Variants in KIF19 observed in about 807,000 individuals in gnomAD.
KIF19 encodes the protein kinesin family member 19.
Under a neutral mutation model 106.6 loss-of-function variants are expected in KIF19, and 98 were observed. The ratio of observed to expected loss-of-function variants is 0.92; its 90% confidence interval spans 0.78 to 1.09. The LOEUF (loss-of-function observed/expected upper bound fraction) is 1.09. Among genes scored for constraint, KIF19 ranks in the 50% least tolerant of loss-of-function variants. The pLI is 0.00. For missense variants in KIF19, 1,373 were observed against 1,414.3 expected (o/e 0.97, Z 0.47); for synonymous variants, 516 against 584.2 (o/e 0.88, Z 1.68).
rs1273354153 is a variant in KIF19, at chr17:74,331,546, T to G, written c.120+3041T>G. ...CTCTGGGACAGGAACCCAGGGTGCT[T>G]GGATTCTGGGGAAGCTGGAGTTCGG... On this transcript the variant is annotated intron_variant, in intron 2 of 19. Coordinates refer to ENST00000389916, the MANE Select transcript of KIF19 (RefSeq NM_153209.4). The surrounding 1 kb of genome is among the most constrained non-coding windows in gnomAD (Gnocchi z 4.1). Among the ~76,000 whole-genome samples the G allele has an allele frequency of 1.3e-5, 2 of 151,070 alleles. No homozygotes were observed. Among genetic ancestry groups the G allele is most frequent in the African/African-American group, 4.9e-5 (2 of 41,162 alleles).
At position 74,326,322 on chromosome 17, in the gene KIF19, G is replaced by C; in HGVS notation, c.-28G>C. On this transcript the variant is annotated 5_prime_UTR_variant, in exon 1 of 20. Transcript: ENST00000389916. ...GCGGCTGAGCCATGCCCGGTGGCGC[G>C]GCCTGAGCCCCTCCACCTGCTGCAA... The C allele has an allele frequency of 6.2e-7, 1 of 1,600,732 alleles. No individual in the cohort carries two copies. The highest frequency in any genetic ancestry group is 8.5e-7 in the Non-Finnish European group (1 of 1,175,446).
At chr17:74,333,852 T>C (rs200700725) in intron 2 of KIF19, among the ~76,000 whole-genome samples, 4 of 112,516 alleles carry the variant, frequency 3.6e-5, no homozygotes, top group Non-Finnish European at 7.3e-5. Context: ...CTTTTTTTTT[T>C]CTTTTTTTTT....
intron 12 of KIF19, among the ~76,000 whole-genome samples, chr17:74,351,499 AAAT>A (rs1428385763): frequency 6.6e-6 from 1 of 151,984 alleles, no homozygotes; most frequent in South Asian, 2.1e-4. Flanking sequence ...CAAAAAAGAA[AAAT>A]AATAATAATA....
At chr17:74,349,632 G>T (rs2054637440) in intron 10 of KIF19, among the ~76,000 whole-genome samples, 1 of 152,248 alleles carries the variant, frequency 6.6e-6, no homozygotes, top group South Asian at 2.1e-4. Context: ...AGCTGCGCAG[G>T]GCGCACACTA....
chr17:74,354,903 C>A lies in KIF19; in HGVS notation c.2828C>A (p.Pro943His). 6.4e-7 allele frequency: 1 copy of A among 1,574,184 alleles called. No homozygotes were observed. Among genetic ancestry groups the A allele is most frequent in the Non-Finnish European group, 8.6e-7 (1 of 1,160,158 alleles). Residue 943 changes from proline (P) to histidine (H), a missense_variant, in exon 19 of 20, where the codon CCT (proline) becomes CAT (histidine). By Grantham distance (77) the Pro-to-His change is moderately conservative (BLOSUM62 -2). This residue lies in a region of KIF19 where 1,020 missense variants were observed against 1,008.2 expected (regional missense o/e 1.01). Transcript: ENST00000389916. ...GIRHLGKVTL[P>H]LAKVKLPPSQ... ...CGGCATCTGGGAAAGGTCACGCTAC[C>A]TTTGGCCAAAGTCAAACTCCCTCCA... is the stretch of plus-strand genomic sequence containing the variant.
In KIF19 at chr17:74,341,994, A is replaced by G; in HGVS notation, c.231+8A>G. On this transcript the variant is annotated splice_region_variant and intron_variant, in intron 3 of 19. Transcript: ENST00000389916. Reference sequence around the variant, plus strand: ...GACTTCACCGCCACCCAGGTGAGGGAGGGCCTGGGCTGGAGACACGCAGGA... The same window carrying G: ...GACTTCACCGCCACCCAGGTGAGGGGGGGCCTGGGCTGGAGACACGCAGGA... 1.2e-6 allele frequency: 2 copies of G among 1,601,026 alleles called. No individual in the cohort carries two copies. The highest frequency in any genetic ancestry group is 2.2e-5 in the South Asian group (2 of 90,672).
At chr17:74,341,654 C>T (rs1417347617) in intron 2 of KIF19, among the ~76,000 whole-genome samples, 3 of 152,220 alleles carry the variant, frequency 2.0e-5, no homozygotes, top group African/African-American at 2.4e-5. Context: ...GCTCTGGCTC[C>T]GAGACCTACC....
In KIF19 at chr17:74,331,781, T is replaced by C. The variant is rs2054088485; in HGVS notation, c.120+3276T>C. On this transcript the variant is annotated intron_variant, in intron 2 of 19. Transcript: ENST00000389916. This position sits in a 1 kb window ranked among gnomAD's most constrained non-coding sequence, Gnocchi z 4.1. ...TAGTAGAGACAGGGTTTTGCTATGGTGGCCAGGCTGGTCTCGAACTCCTGA... is the reference window on the plus strand; with the variant it reads ...TAGTAGAGACAGGGTTTTGCTATGGCGGCCAGGCTGGTCTCGAACTCCTGA... Among the ~76,000 whole-genome samples, 1 of 152,070 alleles carries C rather than the reference T, an allele frequency of 6.6e-6. No individual in the cohort carries two copies. The highest frequency in any genetic ancestry group is 2.4e-5 in the African/African-American group (1 of 41,380).
At chr17:74,349,058 AAGG>A in intron 9 of KIF19, 123 bp from the exon 10 acceptor site, 1 of 868,510 alleles carries the variant, frequency 1.2e-6, no homozygotes, top group Admixed American at 2.5e-5. Context: ...AAGTGGAGGA[AAGG>A]AGGCCATTAC....
Position 74,355,571 on chromosome 17 carries a change from C to G in KIF19, c.*259C>G, listed in dbSNP as rs1447316740. On this transcript the variant is annotated 3_prime_UTR_variant, in exon 20 of 20. Coordinates refer to ENST00000389916, the MANE Select transcript of KIF19 (RefSeq NM_153209.4). Reference sequence around the variant, plus strand: ...TGGCTTCCCAGCCCTGGACAGAATGCTGTTGCCAAAACCTGCACAGCCCTG... The same window carrying G: ...TGGCTTCCCAGCCCTGGACAGAATGGTGTTGCCAAAACCTGCACAGCCCTG... The G allele has an allele frequency of 2.5e-6, 1 of 399,456 alleles. No individual in the cohort carries two copies. The highest frequency in any genetic ancestry group is 4.4e-6 in the Non-Finnish European group (1 of 228,628). 24.7% of individuals were successfully genotyped at this position (399,456 alleles called of 1,614,324 possible). A position where few individuals can be genotyped will look rare whatever the true frequency, so the allele number is the denominator to read the frequency against.
intron 7 of KIF19, 25 bp downstream of exon 7, chr17:74,344,980 A>G: frequency 6.4e-7 from 1 of 1,573,344 alleles, no homozygotes; most frequent in Non-Finnish European, 8.6e-7. Flanking sequence ...TGGGCTGGGC[A>G]GAGGAGGGAG....
In KIF19 at chr17:74,352,858, C is replaced by T. The variant is rs762667528; in HGVS notation, c.2018C>T (p.Ser673Leu). 6.2e-7 allele frequency: 1 copy of T among 1,614,012 alleles called. No homozygotes were observed. The highest frequency in any genetic ancestry group is 1.1e-5 in the South Asian group (1 of 91,080). Reference protein sequence around the residue: ...SLPKITPAGTSLTPDSDLESV... With the variant: ...SLPKITPAGTLLTPDSDLESV... Reference sequence around the variant, plus strand: ...CCCAAAATTACCCCAGCAGGAACCTCACTGACCCCAGATTCTGACCTGGAG... The same window carrying T: ...CCCAAAATTACCCCAGCAGGAACCTTACTGACCCCAGATTCTGACCTGGAG... The change falls in exon 15 of 20, where the codon TCA becomes TTA. Residue 673 changes from serine to leucine, a missense_variant. Physicochemically the swap from Ser to Leu is moderately radical, Grantham distance 145. Around this residue, in one of 3 missense-constraint regions of KIF19, gnomAD observed 1,020 missense variants for 1,008.2 expected, o/e 1.01. Transcript: ENST00000389916.
At chr17:74,334,730 T>A (rs2054179656) in intron 2 of KIF19, among the ~76,000 whole-genome samples, 1 of 152,092 alleles carries the variant, frequency 6.6e-6, no homozygotes, top group Non-Finnish European at 1.5e-5. Flanking sequence ...CAACAAATTC[T>A]CCTTTAAAGA....
chr17:74,344,618 G>A (rs1238344868), intron 6 of KIF19, 143 bp from the exon 7 acceptor site: 4 of 940,676 alleles, frequency 4.3e-6, no homozygotes, highest in Non-Finnish European at 1.6e-6. Context: ...AGGCCTCTCA[G>A]CACACGGAGC....
In KIF19 at chr17:74,354,096, T is replaced by C. The variant is rs902742625; in HGVS notation, c.2309-66T>C. ...GTCTGGCTCCTACCCACGTCTGCCA[T>C]GTCAGAGGAGGGTGTTGAGAGGTGG... On this transcript the variant is annotated intron_variant, in intron 17 of 19. Coordinates refer to ENST00000389916, the MANE Select transcript of KIF19 (RefSeq NM_153209.4). The C allele has an allele frequency of 5.3e-6, 8 of 1,517,730 alleles. No homozygotes were observed. In the African/African-American group the frequency reaches 6.9e-5, roughly 13 times the overall value. 94.0% of individuals were successfully genotyped at this position (1,517,730 alleles called of 1,614,324 possible).
rs2054387936 is a variant in KIF19 at position 74,341,987 on chromosome 17, G to A, written c.231+1G>A. Reference sequence around the variant, plus strand: ...GGCCTTTGACTTCACCGCCACCCAGGTGAGGGAGGGCCTGGGCTGGAGACA... The same window carrying A: ...GGCCTTTGACTTCACCGCCACCCAGATGAGGGAGGGCCTGGGCTGGAGACA... On this transcript the variant is annotated splice_donor_variant, in intron 3 of 19. Transcript: ENST00000389916. LOFTEE classifies it high-confidence loss of function. 6.2e-7 allele frequency: 1 copy of A among 1,610,352 alleles called. No homozygotes were observed. Among genetic ancestry groups the A allele is most frequent in the Non-Finnish European group, 8.5e-7 (1 of 1,178,308 alleles).
At position 74,346,052 on chromosome 17, in the gene KIF19, G is replaced by A. The variant is rs12051857; in HGVS notation, c.778-326G>A. ...CCTCTGGAGCACCAGTGGTCCTGCC[G>A]GCTCCCAGCTGAGCTGCCTGGAAAG... On this transcript the variant is annotated intron_variant, in intron 7 of 19. Transcript: ENST00000389916. This position sits in a 1 kb window ranked among gnomAD's most constrained non-coding sequence, Gnocchi z 4.6. Among the ~76,000 whole-genome samples the A allele has an allele frequency of 0.25, 38,120 of 152,190 alleles. 5,151 individuals are homozygous for A. The highest frequency in any genetic ancestry group is 0.38 in the Middle Eastern group (111 of 294).
intron 8 of KIF19, among the ~76,000 whole-genome samples, chr17:74,347,515 T>C (rs1348973783): frequency 1.4e-5 from 2 of 146,306 alleles, no homozygotes; most frequent in African/African-American, 5.1e-5. Flanking sequence ...CCAGCCTGGA[T>C]GACAGATCGA....
chr17:74,332,210 T>TGTGTGTGTGTGTGTGTG (rs1567897631), intron 2 of KIF19, among the ~76,000 whole-genome samples: 7 of 108,842 alleles, frequency 6.4e-5, no homozygotes, highest in Non-Finnish European at 1.2e-4. Context: ...GTGTGTGTGT[T>TGTGTGTGTGTGTGTGTG]TGTGTGTGTG....
Sources: allele counts gnomAD v4.1 joint callset (sites outside exome capture counted in the v4.1 genomes callset), GRCh38; gene constraint gnomAD v4.1.1; regional missense constraint gnomAD v4.1.1; non-coding constraint Gnocchi (gnomAD v3.1); transcripts MANE v1.5; gene names NCBI Gene and HGNC (gene_info 2026-07-23, HGNC 2026-07-21).